The following FAM167A variants were observed in gnomAD, a reference collection of about 807,000 sequenced individuals.
The protein encoded by FAM167A is family with sequence similarity 167 member A, also known as protein FAM167A.
FAM167A carries 23 observed loss-of-function variants against 14.9 expected under a neutral mutation model. The ratio of observed to expected loss-of-function variants is 1.55; its 90% confidence interval spans 1.11 to 2.19. The LOEUF (loss-of-function observed/expected upper bound fraction) is 2.19. FAM167A is among the 30% of genes most tolerant of loss of function. FAM167A has a pLI of 0.00. For synonymous variants in FAM167A, 174 were observed against 117.7 expected, an observed-to-expected ratio of 1.48 and a Z score of -3.10; for missense variants, 401 against 281.5, an observed-to-expected ratio of 1.42 and a Z score of -3.04.
At position 11,460,987 on chromosome 8, in the gene FAM167A, G is replaced by C. The variant is rs114279529; in HGVS notation, c.-398+5639C>G. 3.2e-3 allele frequency among the ~76,000 whole-genome samples: 489 copies of C among 152,376 alleles called. 6 individuals are homozygous for C. Among genetic ancestry groups the C allele is most frequent in the African/African-American group, 0.011 (460 of 41,588 alleles). The stretch of plus-strand genomic sequence containing the variant: ...CAAGCTGACGCACAGTCCTCCTGCA[G>C]GAAGGCTGGGAGCGCGGAAACCTTC... On this transcript the variant is annotated intron_variant, in intron 1 of 2. Transcript: ENST00000284486.
In FAM167A at chr8:11,444,317, G is replaced by C; in HGVS notation, c.95C>G (p.Ala32Gly). Residue 32 changes from alanine to glycine, a missense_variant, in exon 2 of 3, where the codon GCC becomes GGC. Physicochemically the swap from Ala to Gly is moderately conservative, Grantham distance 60 (BLOSUM62 0). Transcript: ENST00000284486. ...PPDDHLRSLK[A>G]LTEKLRLETR... ...CTCCAGCCTCAGTTTCTCGGTGAGG[G>C]CCTTCAGGCTCCGGAGGTGGTCATC... 1 of 1,612,346 alleles carries C rather than the reference G, an allele frequency of 6.2e-7. No individual in the cohort carries two copies.
chr8:11,436,534 C>CCTAG (rs1028626770), intron 2 of FAM167A, among the ~76,000 whole-genome samples: 8 of 152,174 alleles, frequency 5.3e-5, no homozygotes, highest in Non-Finnish European at 1.2e-4. Flanking sequence ...GAAGACACCC[C>CCTAG]CTAGCAGGGG....
At chr8:11,451,546 G>A (rs1807028568) in intron 1 of FAM167A, among the ~76,000 whole-genome samples, 1 of 152,196 alleles carries the variant, frequency 6.6e-6, no homozygotes, top group African/African-American at 2.4e-5. Context: ...CTGTGTGGAG[G>A]GAGCTCCCCA....
chr8:11,465,198 A>C (rs1426429974), intron 1 of FAM167A, among the ~76,000 whole-genome samples: 1 of 152,142 alleles, frequency 6.6e-6, no homozygotes, highest in African/African-American at 2.4e-5. Context: ...GGACCTTCTC[A>C]GGTCATAAGA....
chr8:11,429,310 AATGAAGAT>A (rs1805408942), intron 2 of FAM167A, among the ~76,000 whole-genome samples: 1 of 152,204 alleles, frequency 6.6e-6, no homozygotes, highest in Non-Finnish European at 1.5e-5. Flanking sequence ...AGAGATTTGC[AATGAAGAT>A]ATGTCTTTGC....
At chr8:11,454,157 C>T (rs73209241) in intron 1 of FAM167A, among the ~76,000 whole-genome samples, 21,138 of 152,226 alleles carry the variant, frequency 0.14, 1,996 homozygotes, top group Non-Finnish European at 0.21. Flanking sequence ...GCCGGCCTCA[C>T]CTTCTTGACC....
intron 1 of FAM167A, among the ~76,000 whole-genome samples, chr8:11,447,950 C>G: frequency 6.6e-6 from 1 of 152,178 alleles, no homozygotes; most frequent in East Asian, 1.9e-4. Flanking sequence ...AATCCCAGCA[C>G]TTTGGGAGGC....
intron 1 of FAM167A, among the ~76,000 whole-genome samples, chr8:11,462,628 C>G (rs896009219): frequency 3.3e-5 from 5 of 152,232 alleles, no homozygotes; most frequent in African/African-American, 1.2e-4. Flanking sequence ...CGGCCTTCAC[C>G]TTCTGCTTCC....
intron 1 of FAM167A, among the ~76,000 whole-genome samples, chr8:11,460,912 A>G (rs1406681303): frequency 1.3e-5 from 2 of 152,312 alleles, no homozygotes; most frequent in Non-Finnish European, 2.9e-5. Flanking sequence ...GACCTTTGCA[A>G]ATTCAAAGTG....
At chr8:11,437,533 T>TC (rs1806110653) in intron 2 of FAM167A, among the ~76,000 whole-genome samples, 1 of 152,224 alleles carries the variant, frequency 6.6e-6, no homozygotes, top group Non-Finnish European at 1.5e-5. Flanking sequence ...TGACTTGAAG[T>TC]TGAATCTAAT....
intron 1 of FAM167A, among the ~76,000 whole-genome samples, chr8:11,458,768 G>A (rs999967289): frequency 6.6e-6 from 1 of 152,028 alleles, no homozygotes; most frequent in Non-Finnish European, 1.5e-5. Context: ...ATAAGCCTGA[G>A]GTAAGGCGAA....
intron 2 of FAM167A, among the ~76,000 whole-genome samples, chr8:11,442,505 C>T (rs1276815858): frequency 6.6e-6 from 1 of 152,186 alleles, no homozygotes; most frequent in Non-Finnish European, 1.5e-5. Flanking sequence ...AAAGAAAAAG[C>T]CTCAGCTCCC....
intron 1 of FAM167A, chr8:11,445,612 C>G: frequency 2.0e-6 from 2 of 985,472 alleles, no homozygotes; most frequent in Non-Finnish European, 2.4e-6. Flanking sequence ...GATGTGGCCT[C>G]CCCATCTCCA....
At chr8:11,424,771 G>C in intron 2 of FAM167A, 135 bp from the exon 3 acceptor site, 1 of 1,300,260 alleles carries the variant, frequency 7.7e-7, no homozygotes, top group Non-Finnish European at 1.0e-6. Flanking sequence ...CACTTTCCCT[G>C]CTCAGGGAGG....
At position 11,424,296 on chromosome 8, in the gene FAM167A, A is replaced by G; in HGVS notation, c.*77T>C. The G allele has an allele frequency of 6.3e-7, 1 of 1,584,140 alleles. No homozygotes were observed. Among genetic ancestry groups the G allele is most frequent in the Non-Finnish European group, 8.6e-7 (1 of 1,162,628 alleles). On this transcript the variant is annotated 3_prime_UTR_variant, in exon 3 of 3. Transcript: ENST00000284486. ...TGCCTCCGGGAGACCCACTGGAGTA[A>G]CTTGGCCTCAGCTTCCTCTGACACC...
At chr8:11,449,997 C>G (rs76658568) in intron 1 of FAM167A, among the ~76,000 whole-genome samples, 3,643 of 152,372 alleles carry the variant, frequency 0.024, 65 homozygotes, top group Non-Finnish European at 0.037. Context: ...CACCTCCTCT[C>G]ACCACGCGCT....
At chr8:11,474,220 C>T (rs1166815485) in intron 1 of FAM167A, among the ~76,000 whole-genome samples, 1 of 152,190 alleles carries the variant, frequency 6.6e-6, no homozygotes, top group Non-Finnish European at 1.5e-5. Context: ...TTGGTTTGCG[C>T]ACCACCTGGA....
intron 1 of FAM167A, among the ~76,000 whole-genome samples, chr8:11,452,708 G>A (rs1340857536): frequency 3.3e-5 from 5 of 152,164 alleles, no homozygotes; most frequent in Non-Finnish European, 5.9e-5. Context: ...TCATGAAACC[G>A]AAGCCCAAGC....
intron 1 of FAM167A, among the ~76,000 whole-genome samples, chr8:11,454,094 G>A (rs1807135541): frequency 6.6e-6 from 1 of 152,176 alleles, no homozygotes; most frequent in Non-Finnish European, 1.5e-5. Flanking sequence ...TGTGACTTAG[G>A]GCCCTGCAGG....
Sources: gnomAD v4.1 joint callset for allele counts (sites outside exome capture counted in the v4.1 genomes callset) on GRCh38, gnomAD v4.1.1 for gene constraint, MANE v1.5 for transcripts, NCBI Gene and HGNC (gene_info 2026-07-23, HGNC 2026-07-21) for gene names.